Variants in ERICH3 observed in about 807,000 individuals in gnomAD.
The protein encoded by ERICH3 is glutamate-rich protein 3.
A neutral mutation model predicts 131.1 loss-of-function variants in ERICH3; 126 were observed. The ratio of observed to expected loss-of-function variants is 0.96; its 90% CI spans 0.83 to 1.11. The LOEUF (loss-of-function observed/expected upper bound fraction) is 1.11. Among genes scored for constraint, ERICH3 ranks in the 50% most tolerant of loss-of-function variants. The pLI is 0.00. For synonymous variants in ERICH3, 695 were observed against 644.6 expected (o/e 1.08, Z -1.18); for missense variants, 2,050 against 1,810.7 (o/e 1.13, Z -2.40).
At chr1:74,672,635 AG>A (rs1646752209) in intron 1 of ERICH3, among the ~76,000 whole-genome samples, 1 of 152,254 alleles carries the variant, frequency 6.6e-6, no homozygotes, top group South Asian at 2.1e-4. Context: ...GCAATTAAAA[AG>A]GAAAGTGCCT....
chr1:74,575,100 C>T (rs1159240327), intron 13 of ERICH3, among the ~76,000 whole-genome samples: 1 of 152,150 alleles, frequency 6.6e-6, no homozygotes, highest in Non-Finnish European at 1.5e-5. Context: ...CAACAACCTA[C>T]CAGAAGCCTG....
At chr1:74,619,466 A>G (rs954578832) in intron 8 of ERICH3, among the ~76,000 whole-genome samples, 2 of 152,340 alleles carry the variant, frequency 1.3e-5, no homozygotes, top group South Asian at 2.1e-4. Flanking sequence ...GTATGTATCT[A>G]TGCCACTATC....
intron 3 of ERICH3, among the ~76,000 whole-genome samples, chr1:74,644,622 C>T (rs947428323): frequency 6.6e-6 from 1 of 152,050 alleles, no homozygotes; most frequent in Non-Finnish European, 1.5e-5. Flanking sequence ...CTCCCTCACT[C>T]CTTCACATTC....
intron 1 of ERICH3, among the ~76,000 whole-genome samples, chr1:74,670,301 T>C (rs501135): frequency 0.015 from 2,352 of 152,246 alleles, 61 homozygotes; most frequent in African/African-American, 0.054. Flanking sequence ...ATATTTAGGC[T>C]CCTGCACATC....
In ERICH3 at chr1:74,571,904, C is replaced by T. The variant is rs751744705; in HGVS notation, c.3806G>A (p.Arg1269Lys). ...EGQGGVDVVL[R>K]TQEAVAEEDP... ...TTCCTCAGCAACAGCTTCCTGGGTC[C>T]TTAGCACGACATCCACTCCTCCTTG... The change falls in exon 14 of 15, where the codon AGG becomes AAG. Residue 1269 changes from arginine (R) to lysine (K), a missense_variant. Physicochemically the swap from Arg to Lys is conservative, Grantham distance 26 (BLOSUM62 2). Coordinates refer to ENST00000326665, the MANE Select transcript of ERICH3 (RefSeq NM_001002912.5). 1 of 1,612,468 alleles carries T rather than the reference C, an allele frequency of 6.2e-7. No individual in the cohort carries two copies. Among genetic ancestry groups the T allele is most frequent in the Non-Finnish European group, 8.5e-7 (1 of 1,180,036 alleles).
intron 6 of ERICH3, among the ~76,000 whole-genome samples, chr1:74,635,190 G>A (rs1242078462): frequency 6.6e-6 from 1 of 152,052 alleles, no homozygotes; most frequent in African/African-American, 2.4e-5. Context: ...GGAGACCAGA[G>A]CCTAGAAAGT....
intron 1 of ERICH3, 110 bp downstream of exon 1, chr1:74,673,387 C>T: frequency 1.5e-6 from 2 of 1,335,080 alleles, no homozygotes; most frequent in Non-Finnish European, 2.1e-6. Flanking sequence ...CCCCAGCCCT[C>T]CCCCTCGCTC....
rs765680308 is a variant in ERICH3 at position 74,571,803 on chromosome 1, T to G, written c.3907A>C (p.Thr1303Pro). 9.2e-5 allele frequency: 148 copies of G among 1,613,554 alleles called. No individual in the cohort carries two copies. In the East Asian group the frequency reaches 3.3e-3, roughly 36 times the overall value. Reference protein sequence around the residue: ...DPEEEEDKECTLETEAMQDRN... With the variant: ...DPEEEEDKECPLETEAMQDRN... ...TCCTGCATCGCTTCTGTCTCCAGAG[T>G]GCACTCTTTGTCCTCTTCCTCCTCT... Residue 1303 changes from threonine to proline, a missense_variant, in exon 14 of 15, where the codon ACT becomes CCT. Coordinates refer to ENST00000326665, the MANE Select transcript of ERICH3 (RefSeq NM_001002912.5).
chr1:74,570,817 T>C lies in ERICH3; in HGVS notation c.*18+282A>G, dbSNP rs527695686. Reference sequence around the variant, plus strand: ...CTCTGTATTTTCTCTTTGGGGGTCCTATCTGGGAGACACAGATCTCACTAC... The same window carrying C: ...CTCTGTATTTTCTCTTTGGGGGTCCCATCTGGGAGACACAGATCTCACTAC... On this transcript the variant is annotated intron_variant, in intron 14 of 14. Transcript: ENST00000326665. 3.6e-4 allele frequency among the ~76,000 whole-genome samples: 55 copies of C among 152,278 alleles called. No homozygotes were observed. In the East Asian group the frequency reaches 9.7e-3, roughly 27 times the overall value.
chr1:74,639,038 T>C (rs1557695304), intron 5 of ERICH3, among the ~76,000 whole-genome samples: 1 of 152,136 alleles, frequency 6.6e-6, no homozygotes, highest in Non-Finnish European at 1.5e-5. Context: ...GCCAAGTGGA[T>C]TGACTAAAGC....
intron 6 of ERICH3, among the ~76,000 whole-genome samples, chr1:74,632,716 T>A (rs76014190): frequency 6.6e-6 from 1 of 151,944 alleles, no homozygotes; most frequent in Middle Eastern, 3.2e-3. Flanking sequence ...ATATTTATCC[T>A]GAAATAAAAA....
rs267598717 is a variant in ERICH3, at chr1:74,572,823, C to T, written c.2887G>A (p.Ala963Thr). ...TCAGAACCGTCCTCTCTCTTTGATG[C>T]TGTGTCCTCCATGGGTCCTGTGTCC... ...LEDTGPMEDT[A>T]SKREDGSEEA... The change falls in exon 14 of 15, where the codon GCA (alanine) becomes ACA (threonine). Residue 963 changes from alanine to threonine, a missense_variant. Coordinates refer to ENST00000326665, the MANE Select transcript of ERICH3 (RefSeq NM_001002912.5). The T allele has an allele frequency of 1.2e-6, 2 of 1,613,666 alleles. No homozygotes were observed. Among genetic ancestry groups the T allele is most frequent in the East Asian group, 2.2e-5 (1 of 44,882 alleles).
chr1:74,596,382 CAAT>C (rs1647852222), intron 11 of ERICH3, among the ~76,000 whole-genome samples: 3 of 151,916 alleles, frequency 2.0e-5, no homozygotes, highest in African/African-American at 7.2e-5. Flanking sequence ...TTATGAGACA[CAAT>C]GTGATGTTTC....
rs138915761 is a variant in ERICH3 at position 74,591,506 on chromosome 1, T to C, written c.1727-1426A>G. ...GAGTCTGAGGGTGAAGCACCACCAG[T>C]AGTCCAGGGCAGTCCTCTGAAAAAG... On this transcript the variant is annotated intron_variant, in intron 11 of 14. Coordinates refer to ENST00000326665, the MANE Select transcript of ERICH3 (RefSeq NM_001002912.5). 9.1e-4 allele frequency among the ~76,000 whole-genome samples: 138 copies of C among 152,270 alleles called. 3 individuals are homozygous for C. The East Asian group carries it at 0.02, about 22-fold the overall frequency.
At chr1:74,639,395 T>C (rs1257744851) in intron 5 of ERICH3, among the ~76,000 whole-genome samples, 2 of 152,206 alleles carry the variant, frequency 1.3e-5, no homozygotes, top group African/African-American at 2.4e-5. Context: ...TTTAACTGAT[T>C]ACATTTATCT....
At chr1:74,659,793 G>T (rs940621801) in intron 1 of ERICH3, among the ~76,000 whole-genome samples, 2 of 152,136 alleles carry the variant, frequency 1.3e-5, no homozygotes, top group Non-Finnish European at 2.9e-5. Flanking sequence ...TCTGAACTGG[G>T]TCCTAAATGA....
chr1:74,638,198 G>T (rs909276177), intron 5 of ERICH3, among the ~76,000 whole-genome samples: 34 of 152,242 alleles, frequency 2.2e-4, no homozygotes, highest in African/African-American at 7.9e-4. Flanking sequence ...TAGAAGTTAG[G>T]CTTGAGAAGC....
intron 9 of ERICH3, 59 bp downstream of exon 9, chr1:74,612,564 G>T (rs933211631): frequency 4.3e-6 from 6 of 1,390,082 alleles, no homozygotes; most frequent in Non-Finnish European, 3.9e-6. Context: ...ATTAGTAAAG[G>T]CATTCAAAGA....
At chr1:74,581,357 T>G (rs1647177866) in intron 12 of ERICH3, among the ~76,000 whole-genome samples, 4 of 152,176 alleles carry the variant, frequency 2.6e-5, no homozygotes, top group African/African-American at 9.7e-5. Context: ...ATTTCTCCAT[T>G]GCGGTTTATT....
Sources: allele counts gnomAD v4.1 joint callset (sites outside exome capture counted in the v4.1 genomes callset), GRCh38; gene constraint gnomAD v4.1.1; transcripts MANE v1.5; gene names NCBI Gene and HGNC (gene_info 2026-07-23, HGNC 2026-07-21).